USP13: variants seen among roughly 807,000 people sequenced by gnomAD.
The protein encoded by USP13 is ubiquitin carboxyl-terminal hydrolase 13.
A neutral mutation model predicts 107.8 loss-of-function variants in USP13; 68 were observed. The observed-to-expected ratio is 0.63, with a 90% CI of 0.52 to 0.77. USP13 has a LOEUF of 0.77. USP13 is among the 30% of genes least tolerant of loss of function. The pLI, the probability that USP13 is intolerant of heterozygous loss-of-function variation, is 0.00. For missense variants in USP13, 945 were observed against 1,093.3 expected, an observed-to-expected ratio of 0.86 and a Z score of 1.91; for synonymous variants, 377 against 389.5, an observed-to-expected ratio of 0.97 and a Z score of 0.38.
At chr3:179,681,782 C>T (rs13080037) in intron 1 of USP13, 96 bp from the exon 2 acceptor site, 838,994 of 1,471,080 alleles carry the variant, frequency 0.57, 242,450 homozygotes, top group East Asian at 0.66. Flanking sequence ...TGCCAGGCCT[C>T]GTCTTCAGCG....
At chr3:179,694,753 A>T (rs999392146) in intron 3 of USP13, among the ~76,000 whole-genome samples, 26 of 142,756 alleles carry the variant, frequency 1.8e-4, no homozygotes, top group Non-Finnish European at 3.6e-4. Context: ...GTGAGCTGAG[A>T]TCGCACCATT....
In USP13 at chr3:179,784,908, A is replaced by G. The variant is rs75971703; in HGVS notation, c.*767A>G. 5.3e-5 allele frequency: 8 copies of G among 152,372 alleles called. No homozygotes were observed. The East Asian group carries it at 1.5e-3, about 29-fold the overall frequency. 9.4% of individuals were successfully genotyped at this position (152,372 alleles called of 1,614,324 possible). On this transcript the variant is annotated 3_prime_UTR_variant, in exon 21 of 21. Transcript: ENST00000263966. ...TGACTCAGGAACCTTCGAGAAGATT[A>G]GTTCCCCACTTAGATTTTTAAGGAG...
chr3:179,757,131 T>A (rs1714836836), intron 16 of USP13, 53 bp downstream of exon 16: 1 of 1,588,616 alleles, frequency 6.3e-7, no homozygotes, highest in African/African-American at 1.3e-5. Context: ...ATTAATCTGA[T>A]GAATTTGTCT....
At chr3:179,774,363 A>G (rs1486740773) in intron 19 of USP13, among the ~76,000 whole-genome samples, 1 of 152,142 alleles carries the variant, frequency 6.6e-6, no homozygotes, top group Non-Finnish European at 1.5e-5. Context: ...TGAGTGTTAC[A>G]GTTCTTAAAG....
At chr3:179,687,570 A>C (rs1484262570) in intron 2 of USP13, among the ~76,000 whole-genome samples, 1 of 148,112 alleles carries the variant, frequency 6.8e-6, no homozygotes, top group Non-Finnish European at 1.5e-5. Flanking sequence ...GGCGCAGGAG[A>C]ATCGCTTGGA....
intron 15 of USP13, among the ~76,000 whole-genome samples, chr3:179,755,146 A>T (rs539253462): frequency 3.3e-5 from 5 of 152,198 alleles, no homozygotes; most frequent in Non-Finnish European, 7.4e-5. Context: ...CCTTTGGACA[A>T]CCTAAAGGGG....
In USP13 at chr3:179,706,985, C is replaced by T; in HGVS notation, c.529C>T (p.Gln177Ter). Residue 177 changes from glutamine (Q) to a stop codon, truncating the protein, a stop_gained, in exon 5 of 21, where the codon CAG becomes TAG. Coordinates refer to ENST00000263966, the MANE Select transcript of USP13 (RefSeq NM_003940.3). LOFTEE classifies it high-confidence loss of function. ...CAGCTCAAAATCTCCATACAGAAAG[C>T]AGGACCCAGACACGTGGGAAAATGA... is the stretch of plus-strand genomic sequence containing the variant. ...VLSSKSPYRK[Q>*]DPDTWENELP... The T allele has an allele frequency of 1.2e-6, 2 of 1,614,104 alleles. No individual in the cohort carries two copies. Among genetic ancestry groups the T allele is most frequent in the Non-Finnish European group, 1.7e-6 (2 of 1,180,016 alleles).
intron 17 of USP13, among the ~76,000 whole-genome samples, 170 bp from the exon 18 acceptor site, chr3:179,763,832 C>T (rs897760396): frequency 4.6e-5 from 7 of 152,058 alleles, no homozygotes; most frequent in South Asian, 2.1e-4. Context: ...GCGATCCACT[C>T]GCCTTGGCCT....
intron 2 of USP13, among the ~76,000 whole-genome samples, chr3:179,686,707 G>A (rs1315289139): frequency 2.0e-5 from 3 of 152,234 alleles, no homozygotes; most frequent in African/African-American, 4.8e-5. Context: ...CTGCCACTAA[G>A]ACTCAACATT....
intron 10 of USP13, 40 bp from the exon 11 acceptor site, chr3:179,740,207 C>G: frequency 6.2e-7 from 1 of 1,608,836 alleles, no homozygotes; most frequent in Non-Finnish European, 8.5e-7. Context: ...TGTTAATTTG[C>G]ATGAAAGTAT....
chr3:179,778,455 C>T (rs143709252), intron 19 of USP13, among the ~76,000 whole-genome samples: 2 of 152,248 alleles, frequency 1.3e-5, no homozygotes, highest in East Asian at 1.9e-4. Context: ...ACAATAAATA[C>T]GTGCACAAGT....
chr3:179,706,512 G>A (rs1712724002), intron 4 of USP13, among the ~76,000 whole-genome samples: 1 of 152,222 alleles, frequency 6.6e-6, no homozygotes, highest in South Asian at 2.1e-4. Context: ...ACATGCCATT[G>A]TGTGATGAGT....
Position 179,784,318 on chromosome 3 carries a change from T to C in USP13, c.*177T>C. The stretch of plus-strand genomic sequence containing the variant: ...TGAAATAGAACTGAGAAGAAATTTC[T>C]ATTAGTGATGATACACTATTATATT... On this transcript the variant is annotated 3_prime_UTR_variant, in exon 21 of 21. Coordinates refer to ENST00000263966, the MANE Select transcript of USP13 (RefSeq NM_003940.3). 2 of 550,898 alleles carry C rather than the reference T, an allele frequency of 3.6e-6. No homozygotes were observed. Among genetic ancestry groups the C allele is most frequent in the Non-Finnish European group, 6.4e-6 (2 of 310,750 alleles). 34.1% of individuals were successfully genotyped at this position (550,898 alleles called of 1,614,324 possible). A position where few individuals can be genotyped will look rare whatever the true frequency, so the allele number is the denominator to read the frequency against.
In USP13 at chr3:179,653,333, C is replaced by T; in HGVS notation, c.108C>T (p.Arg36=). 6.3e-7 allele frequency: 1 copy of T among 1,578,896 alleles called. No individual in the cohort carries two copies. The highest frequency in any genetic ancestry group is 8.6e-7 in the Non-Finnish European group (1 of 1,162,710). Residue 36 remains arginine, a synonymous_variant, in exon 1 of 21, where the codon CGC becomes CGT. Transcript: ENST00000263966. The surrounding 1 kb of genome is among the most constrained non-coding windows in gnomAD (Gnocchi z 4.0). The part of the protein sequence containing the change: ...ELLVPHMPTI[R]VPRSGDRVYK... ...TAGTGCCCCACATGCCCACGATCCGCGTGCCCAGGTCCGGCGACAGGGTCT... is the reference window on the plus strand; with the variant it reads ...TAGTGCCCCACATGCCCACGATCCGTGTGCCCAGGTCCGGCGACAGGGTCT...
intron 16 of USP13, 171 bp downstream of exon 16, chr3:179,757,249 C>CA: frequency 1.5e-6 from 1 of 677,812 alleles, no homozygotes; most frequent in African/African-American, 1.8e-5. Flanking sequence ...TCAGGTGGCC[C>CA]ATGGGGCTCA....
chr3:179,743,926 G>GT (rs35286740), intron 12 of USP13, among the ~76,000 whole-genome samples: 73,102 of 125,936 alleles, frequency 0.58, 22,466 homozygotes, highest in Non-Finnish European at 0.69. Context: ...TAAATAAGGA[G>GT]TTTTTTTTTT....
intron 3 of USP13, among the ~76,000 whole-genome samples, chr3:179,694,773 C>T (rs1301461696): frequency 1.5e-4 from 22 of 144,014 alleles, no homozygotes; most frequent in Non-Finnish European, 1.9e-4. Context: ...TGCACTCCAG[C>T]CTGGGCAAAG....
Position 179,789,238 on chromosome 3 carries a change from T to C in USP13, c.*5097T>C, listed in dbSNP as rs1211396259. ...TTCCTGTGCCCACCTGTCCAGCAGG[T>C]TTTGATGTTGGCTCCTGAAAGAGTT... On this transcript the variant is annotated 3_prime_UTR_variant, in exon 21 of 21. Transcript: ENST00000263966. 2.0e-5 allele frequency: 3 copies of C among 152,168 alleles called. No individual in the cohort carries two copies. Among genetic ancestry groups the C allele is most frequent in the Non-Finnish European group, 4.4e-5 (3 of 68,028 alleles). The allele number at this position is 152,168 out of a possible 1,614,324, so 9.4% of individuals were successfully genotyped here. A position where few individuals can be genotyped will look rare whatever the true frequency, so the allele number is the denominator to read the frequency against.
chr3:179,734,389 T>C (rs1199393168), intron 10 of USP13, among the ~76,000 whole-genome samples: 1 of 152,248 alleles, frequency 6.6e-6, no homozygotes, highest in African/African-American at 2.4e-5. Context: ...AGCTGAACAC[T>C]CTACCTCATT....
Sources: allele counts gnomAD v4.1 joint callset (sites outside exome capture counted in the v4.1 genomes callset), GRCh38; gene constraint gnomAD v4.1.1; non-coding constraint Gnocchi (gnomAD v3.1); transcripts MANE v1.5; gene names NCBI Gene and HGNC (gene_info 2026-07-23, HGNC 2026-07-21).